Variants in SCHIP1 observed in about 807,000 individuals in gnomAD.
The protein encoded by SCHIP1 is schwannomin-interacting protein 1.
A neutral mutation model predicts 29.7 loss-of-function variants in SCHIP1; 8 were observed. That is an observed-to-expected ratio of 0.27 (90% confidence interval 0.16 to 0.49). SCHIP1 has a LOEUF of 0.49. Ranked by LOEUF, SCHIP1 falls within the 20% of genes least tolerant of loss-of-function variation. SCHIP1 has a pLI of 0.99. For synonymous variants in SCHIP1, 76 were observed against 94.9 expected, an observed-to-expected ratio of 0.80 and a Z score of 1.16; for missense variants, 193 against 294.6, an observed-to-expected ratio of 0.66 and a Z score of 2.52.
At chr3:159,502,540 C>T in the SCHIP1 span, among the ~76,000 whole-genome samples, 57 of 151,996 alleles carry the variant, frequency 3.8e-4, no homozygotes, top group African/African-American at 1.2e-3. Flanking sequence ...ATGTGCACAA[C>T]GTGCAGGCTT....
chr3:159,529,343 C>T, the SCHIP1 span, among the ~76,000 whole-genome samples: 1 of 152,200 alleles, frequency 6.6e-6, no homozygotes, highest in Non-Finnish European at 1.5e-5. Context: ...AACCAAATTA[C>T]TAGCCAGGGG....
chr3:159,689,181 C>T, the SCHIP1 span, among the ~76,000 whole-genome samples: 8 of 152,312 alleles, frequency 5.3e-5, no homozygotes, highest in African/African-American at 1.9e-4. Flanking sequence ...CTACAAATTA[C>T]TTTGGGCAGT....
chr3:159,354,873 A>G, the SCHIP1 span, among the ~76,000 whole-genome samples: 1 of 152,218 alleles, frequency 6.6e-6, no homozygotes, highest in African/African-American at 2.4e-5. Flanking sequence ...TCTTCATGGC[A>G]GTATTAAAAG....
At chr3:159,634,243 G>A in the SCHIP1 span, among the ~76,000 whole-genome samples, 1 of 152,144 alleles carries the variant, frequency 6.6e-6, no homozygotes, top group Non-Finnish European at 1.5e-5. Flanking sequence ...GTCATTAAGA[G>A]TTGCAATGGA....
the SCHIP1 span, among the ~76,000 whole-genome samples, chr3:159,498,778 A>G: frequency 6.6e-6 from 1 of 152,252 alleles, no homozygotes; most frequent in Non-Finnish European, 1.5e-5. Flanking sequence ...ATAACTAAGT[A>G]AATTATGGTA....
the SCHIP1 span, among the ~76,000 whole-genome samples, chr3:159,420,300 T>C: frequency 1.3e-5 from 2 of 151,956 alleles, no homozygotes; most frequent in African/African-American, 2.4e-5. Context: ...GAAATGAGGA[T>C]TGGACTTAGG....
the SCHIP1 span, among the ~76,000 whole-genome samples, chr3:159,308,885 A>G: frequency 6.6e-6 from 1 of 152,224 alleles, no homozygotes; most frequent in African/African-American, 2.4e-5. Flanking sequence ...GCTGGAGGCC[A>G]TAATCCTAAG....
At chr3:159,366,636 C>G in the SCHIP1 span, among the ~76,000 whole-genome samples, 1 of 152,172 alleles carries the variant, frequency 6.6e-6, no homozygotes, top group Non-Finnish European at 1.5e-5. Context: ...CTTGTCCCTC[C>G]AGGCTTAATC....
the SCHIP1 span, among the ~76,000 whole-genome samples, chr3:159,307,737 G>GT: frequency 6.6e-6 from 1 of 152,060 alleles, no homozygotes; most frequent in African/African-American, 2.4e-5. Flanking sequence ...TGTATTTTGA[G>GT]TTAATTTTTG....
At chr3:159,374,228 A>G in the SCHIP1 span, among the ~76,000 whole-genome samples, 292 of 152,264 alleles carry the variant, frequency 1.9e-3, 2 homozygotes, top group Admixed American at 0.015. Flanking sequence ...GTATTTAGAC[A>G]TAGGGTAGAT....
chr3:159,391,080 G>A, the SCHIP1 span, among the ~76,000 whole-genome samples: 1 of 152,012 alleles, frequency 6.6e-6, no homozygotes. Flanking sequence ...CTGATGTCTT[G>A]GTAGTCAACA....
At chr3:159,347,383 G>A in the SCHIP1 span, among the ~76,000 whole-genome samples, 644 of 152,240 alleles carry the variant, frequency 4.2e-3, 3 homozygotes, top group African/African-American at 0.015. Flanking sequence ...CTAGTATTCC[G>A]TGGATGTGTG....
chr3:159,692,278 T>C, the SCHIP1 span, among the ~76,000 whole-genome samples: 1 of 152,206 alleles, frequency 6.6e-6, no homozygotes, highest in East Asian at 1.9e-4. Context: ...CCTGCCTTGC[T>C]AGGTTGGGGA....
intron 1 of SCHIP1, among the ~76,000 whole-genome samples, chr3:159,857,995 AG>A (rs1315988440): frequency 4.6e-5 from 7 of 152,072 alleles, no homozygotes; most frequent in African/African-American, 1.7e-4. Context: ...CCCGGATCCT[AG>A]GTCCATTCTA....
At chr3:159,850,224 A>G (rs139322827) in intron 1 of SCHIP1, among the ~76,000 whole-genome samples, 93 of 152,296 alleles carry the variant, frequency 6.1e-4, no homozygotes, top group African/African-American at 2.2e-3. Flanking sequence ...ATATTGTTAT[A>G]CAGGGAGCTG....
At chr3:159,567,222 A>T in the SCHIP1 span, among the ~76,000 whole-genome samples, 1 of 152,020 alleles carries the variant, frequency 6.6e-6, no homozygotes, top group African/African-American at 2.4e-5. Context: ...GTTGAAGTGA[A>T]ATTTTTACAT....
At chr3:159,840,328 G>A in intron 1 of SCHIP1, 1 of 903,852 alleles carries the variant, frequency 1.1e-6, no homozygotes, top group Non-Finnish European at 1.7e-6. Flanking sequence ...CATCTTCCGC[G>A]CCTGGCCTTC....
the SCHIP1 span, among the ~76,000 whole-genome samples, chr3:159,603,003 G>A: frequency 6.6e-6 from 1 of 152,122 alleles, no homozygotes; most frequent in Non-Finnish European, 1.5e-5. Flanking sequence ...CACTTTCAAT[G>A]CCAATTATAA....
the SCHIP1 span, among the ~76,000 whole-genome samples, chr3:159,678,384 A>G: frequency 6.6e-6 from 1 of 152,220 alleles, no homozygotes; most frequent in East Asian, 1.9e-4. Context: ...TGACTATTTC[A>G]AAAAGCTCTG....
Sources: gnomAD v4.1 joint callset for allele counts (sites outside exome capture counted in the v4.1 genomes callset) on GRCh38, gnomAD v4.1.1 for gene constraint, MANE v1.5 for transcripts, NCBI Gene and HGNC (gene_info 2026-07-23, HGNC 2026-07-21) for gene names.